Variants in TRPC5 observed in about 807,000 individuals in gnomAD.
The protein encoded by TRPC5 is short transient receptor potential channel 5.
In TRPC5, 9 loss-of-function variants were observed where a neutral mutation model predicts 56.5. The observed-to-expected ratio is 0.16, with a 90% confidence interval of 0.10 to 0.28. The LOEUF (loss-of-function observed/expected upper bound fraction) is 0.28, where lower values mean the gene tolerates loss of function less well. TRPC5 is among the 10% of genes least tolerant of loss of function. The pLI is 1.00. For missense variants in TRPC5, 469 were observed against 748.9 expected (o/e 0.63, Z 4.36); for synonymous variants, 282 against 278.5 (o/e 1.01, Z -0.13).
intron 3 of TRPC5, among the ~76,000 whole-genome samples, chrX:111,888,962 G>A (rs1924673340): frequency 8.9e-6 from 1 of 111,806 alleles, no homozygotes; most frequent in South Asian, 3.7e-4. Flanking sequence ...ATGGGAGGCT[G>A]TAAGGGAGTA....
chrX:111,964,616 A>G (rs1460015317), intron 1 of TRPC5, among the ~76,000 whole-genome samples: 1 of 112,792 alleles, frequency 8.9e-6, no homozygotes, highest in Non-Finnish European at 1.9e-5. Context: ...TCAGACTAAC[A>G]GCGGATCTCT....
At chrX:111,894,537 G>C (rs185067130) in intron 3 of TRPC5, among the ~76,000 whole-genome samples, 131 of 111,059 alleles carry the variant, frequency 1.2e-3, no homozygotes, top group African/African-American at 3.8e-3. Flanking sequence ...TAGCTATCAG[G>C]GTCTCTTGCC....
At chrX:111,840,062 C>T (rs5985359) in intron 6 of TRPC5, among the ~76,000 whole-genome samples, 2,515 of 111,878 alleles carry the variant, frequency 0.022, 62 homozygotes, top group African/African-American at 0.075. Context: ...CCCAGCTACT[C>T]GGGAGGTTGA....
intron 1 of TRPC5, among the ~76,000 whole-genome samples, chrX:111,990,738 G>T (rs1928332337): frequency 9.0e-6 from 1 of 111,470 alleles, no homozygotes; most frequent in Non-Finnish European, 1.9e-5. Context: ...GCTATGTCTG[G>T]GCATCAGTGG....
chrX:111,835,251 G>T (rs1031165487), intron 6 of TRPC5, 135 bp from the exon 7 acceptor site: 1 of 520,281 alleles, frequency 1.9e-6, no homozygotes, highest in East Asian at 3.5e-5. Context: ...ACATATTTTG[G>T]GCTCTTCCCT....
intron 7 of TRPC5, among the ~76,000 whole-genome samples, chrX:111,797,472 G>A (rs142827767): frequency 9.4e-4 from 104 of 111,184 alleles, no homozygotes; most frequent in African/African-American, 3.4e-3. Flanking sequence ...TTTCTAGGAG[G>A]GACTAAATGG....
intron 1 of TRPC5, among the ~76,000 whole-genome samples, chrX:112,015,874 G>A (rs1929108358): frequency 9.0e-6 from 1 of 111,665 alleles, no homozygotes; most frequent in African/African-American, 3.3e-5. Flanking sequence ...TGTTTATCCT[G>A]ATTCAGTGTC....
At chrX:111,837,786 G>A (rs5985652) in intron 6 of TRPC5, among the ~76,000 whole-genome samples, 366 of 108,959 alleles carry the variant, frequency 3.4e-3, no homozygotes, top group Non-Finnish European at 6.0e-3. Context: ...TAAAATCTTC[G>A]CTCAGCCAGG....
chrX:111,937,050 G>A (rs377215788), intron 2 of TRPC5, among the ~76,000 whole-genome samples: 7 of 105,521 alleles, frequency 6.6e-5, no homozygotes, highest in Non-Finnish European at 1.2e-4. Context: ...CTGGTGTGAG[G>A]TGGTATCTCA....
chrX:111,961,347 T>A (rs941081103), intron 1 of TRPC5, among the ~76,000 whole-genome samples: 1 of 112,030 alleles, frequency 8.9e-6, no homozygotes, highest in Non-Finnish European at 1.9e-5. Flanking sequence ...TTAATACACA[T>A]TTTTCTACCC....
intron 1 of TRPC5, among the ~76,000 whole-genome samples, chrX:111,970,709 A>C (rs1927755873): frequency 9.1e-6 from 1 of 110,492 alleles, no homozygotes; most frequent in South Asian, 3.8e-4. Flanking sequence ...GGGAATTAGG[A>C]GACGTGGATT....
intron 3 of TRPC5, among the ~76,000 whole-genome samples, chrX:111,854,835 C>G (rs1385471216): frequency 8.9e-6 from 1 of 112,094 alleles, no homozygotes; most frequent in Non-Finnish European, 1.9e-5. Flanking sequence ...TATTTAACTC[C>G]GTCTCTAGTC....
chrX:111,959,510 A>G, intron 1 of TRPC5, among the ~76,000 whole-genome samples: 1 of 112,126 alleles, frequency 8.9e-6, no homozygotes, highest in Non-Finnish European at 1.9e-5. Flanking sequence ...AACAAAAAAT[A>G]TATGACATAT....
chrX:111,846,298 A>G (rs1418305928), intron 6 of TRPC5, among the ~76,000 whole-genome samples: 1 of 111,906 alleles, frequency 8.9e-6, no homozygotes, highest in African/African-American at 3.3e-5. Flanking sequence ...GATGGACAAG[A>G]TGTAGAACAC....
intron 2 of TRPC5, 21 bp downstream of exon 2, chrX:111,952,022 G>A (rs370660700): frequency 1.4e-4 from 163 of 1,187,635 alleles, no homozygotes; most frequent in Non-Finnish European, 1.7e-4. Context: ...CTATTTCCCA[G>A]CCTATAGGAA....
At chrX:111,996,104 T>C (rs956408341) in intron 1 of TRPC5, among the ~76,000 whole-genome samples, 1 of 112,214 alleles carries the variant, frequency 8.9e-6, no homozygotes, top group Non-Finnish European at 1.9e-5. Flanking sequence ...CTTTCCTGCT[T>C]TCTCTTGTGG....
At chrX:111,808,255 C>T (rs1335899055) in intron 7 of TRPC5, among the ~76,000 whole-genome samples, 1 of 110,805 alleles carries the variant, frequency 9.0e-6, no homozygotes, top group Non-Finnish European at 1.9e-5. Context: ...CCAGAGATAC[C>T]ATACAGGAGC....
rs1398280754 is a variant in TRPC5, at chrX:111,847,192, T to C, written c.1622A>G (p.Tyr541Cys). 18 of 1,211,767 alleles carry C rather than the reference T, an allele frequency of 1.5e-5. No homozygotes were observed. Among genetic ancestry groups the C allele is most frequent in the Non-Finnish European group, 1.9e-5 (17 of 895,549 alleles). The change falls in exon 6 of 11, where the codon TAT becomes TGT. Residue 541 changes from tyrosine (Y) to cysteine (C), a missense_variant. By Grantham distance (194) the Tyr-to-Cys change is radical. This residue lies in a region of TRPC5 where 157 missense variants were observed against 360.0 expected (regional missense o/e 0.44). Transcript: ENST00000262839. ...CTCATCGATAGCTCTGGTTTCATAA[T>C]AGAAGTAAAGCTGGTTCAGTCCATT... The part of the protein sequence containing the change: ...FANGLNQLYF[Y>C]YETRAIDEPN...
intron 3 of TRPC5, among the ~76,000 whole-genome samples, chrX:111,872,556 T>C (rs149716394): frequency 0.013 from 1,400 of 111,855 alleles, 28 homozygotes; most frequent in African/African-American, 0.044. Context: ...TTGAGAAAGA[T>C]TGGCAAGTCA....
Sources: gnomAD v4.1 joint callset for allele counts (sites outside exome capture counted in the v4.1 genomes callset) on GRCh38, gnomAD v4.1.1 for gene constraint, gnomAD v4.1.1 regional missense constraint, MANE v1.5 for transcripts, NCBI Gene and HGNC (gene_info 2026-07-23, HGNC 2026-07-21) for gene names.